RIC8B: variants seen among roughly 807,000 people sequenced by gnomAD.
The protein encoded by RIC8B is RIC8 guanine nucleotide exchange factor B.
RIC8B carries 16 observed loss-of-function variants against 57.5 expected under a neutral mutation model. That is an observed-to-expected ratio of 0.28 (90% CI 0.19 to 0.42). RIC8B has a LOEUF of 0.42. Ranked by LOEUF, RIC8B falls within the 10% of genes least tolerant of loss-of-function variation. The pLI is 1.00. For synonymous variants in RIC8B, 216 were observed against 250.8 expected, an observed-to-expected ratio of 0.86 and a Z score of 1.31; for missense variants, 481 against 677.0, an observed-to-expected ratio of 0.71 and a Z score of 3.21.
At chr12:106,813,406 G>A (rs1818882003) in intron 2 of RIC8B, among the ~76,000 whole-genome samples, 1 of 151,956 alleles carries the variant, frequency 6.6e-6, no homozygotes, top group East Asian at 1.9e-4. Flanking sequence ...TAGCCAGGAT[G>A]GTCTTGATCT....
chr12:106,778,127 A>C (rs1265881224), intron 1 of RIC8B, among the ~76,000 whole-genome samples: 1 of 152,214 alleles, frequency 6.6e-6, no homozygotes, highest in Non-Finnish European at 1.5e-5. Flanking sequence ...TGAACAAAAA[A>C]ATTAAACGTG....
intron 8 of RIC8B, among the ~76,000 whole-genome samples, chr12:106,862,017 G>T (rs1949963692): frequency 6.6e-6 from 1 of 152,042 alleles, no homozygotes; most frequent in African/African-American, 2.4e-5. Context: ...TAGGAAAATA[G>T]AATTATGTTA....
intron 4 of RIC8B, among the ~76,000 whole-genome samples, chr12:106,840,440 G>C (rs1347864697): frequency 6.6e-6 from 1 of 152,162 alleles, no homozygotes; most frequent in African/African-American, 2.4e-5. Flanking sequence ...ACCCCCTGGA[G>C]TAGGAATGCA....
chr12:106,818,290 T>C (rs1474662502), intron 3 of RIC8B, among the ~76,000 whole-genome samples: 4 of 151,440 alleles, frequency 2.6e-5, no homozygotes, highest in Non-Finnish European at 4.4e-5. Context: ...CCTCAGCCTC[T>C]GGAGTAGCTG....
chr12:106,858,578 C>A (rs905452660), intron 7 of RIC8B, among the ~76,000 whole-genome samples: 1 of 152,104 alleles, frequency 6.6e-6, no homozygotes, highest in African/African-American at 2.4e-5. Context: ...CAAGAGAGAG[C>A]ATATCAGACT....
At chr12:106,854,827 A>G (rs1031684775) in intron 7 of RIC8B, among the ~76,000 whole-genome samples, 8 of 152,110 alleles carry the variant, frequency 5.3e-5, no homozygotes, top group African/African-American at 1.9e-4. Context: ...AAAGGACAAA[A>G]TTTTATGGAA....
chr12:106,813,919 A>G (rs1164076347), intron 2 of RIC8B, among the ~76,000 whole-genome samples: 1 of 152,130 alleles, frequency 6.6e-6, no homozygotes, highest in African/African-American at 2.4e-5. Flanking sequence ...AAATTTGACA[A>G]TGGTATAAAA....
At chr12:106,815,478 T>C (rs1053895574) in intron 3 of RIC8B, among the ~76,000 whole-genome samples, 174 bp downstream of exon 3, 1 of 152,254 alleles carries the variant, frequency 6.6e-6, no homozygotes, top group Non-Finnish European at 1.5e-5. Context: ...TCTTATTCTT[T>C]CCATTTGTGT....
chr12:106,830,422 C>A (rs2046304893), intron 4 of RIC8B, among the ~76,000 whole-genome samples: 1 of 152,162 alleles, frequency 6.6e-6, no homozygotes, highest in African/African-American at 2.4e-5. Context: ...TCTCTGTTCT[C>A]CATGACTCGC....
intron 9 of RIC8B, among the ~76,000 whole-genome samples, chr12:106,875,707 AATTTAT>A (rs1234838552): frequency 3.3e-5 from 5 of 152,090 alleles, no homozygotes; most frequent in Admixed American, 6.6e-5. Context: ...TATGTTTTAA[AATTTAT>A]ATTTATATAA....
intron 9 of RIC8B, among the ~76,000 whole-genome samples, chr12:106,875,079 T>G (rs1950602149): frequency 6.6e-6 from 1 of 152,164 alleles, no homozygotes; most frequent in South Asian, 2.1e-4. Context: ...AAGTACACTC[T>G]GTCAGTTCCA....
At chr12:106,806,774 C>T (rs532301480) in intron 2 of RIC8B, among the ~76,000 whole-genome samples, 7 of 152,066 alleles carry the variant, frequency 4.6e-5, no homozygotes, top group South Asian at 2.1e-4. Flanking sequence ...AGATTGCACG[C>T]GCCAAGATCA....
At chr12:106,799,171 C>T (rs2044617642) in intron 2 of RIC8B, among the ~76,000 whole-genome samples, 1 of 152,178 alleles carries the variant, frequency 6.6e-6, no homozygotes, top group South Asian at 2.1e-4. Flanking sequence ...ATCACTACTT[C>T]CCTTTCTCAA....
chr12:106,849,876 A>G (rs1566133210), intron 6 of RIC8B, among the ~76,000 whole-genome samples: 2 of 152,220 alleles, frequency 1.3e-5, no homozygotes, highest in Admixed American at 6.5e-5. Context: ...GTAAAATCCT[A>G]TAATTTCTGT....
At chr12:106,810,844 G>A (rs1038149083) in intron 2 of RIC8B, among the ~76,000 whole-genome samples, 2 of 152,190 alleles carry the variant, frequency 1.3e-5, no homozygotes, top group Admixed American at 6.5e-5. Flanking sequence ...TCACTTGCCA[G>A]GCACTGCCCT....
chr12:106,792,212 A>T (rs978574984), intron 2 of RIC8B, among the ~76,000 whole-genome samples: 1 of 152,218 alleles, frequency 6.6e-6, no homozygotes, highest in African/African-American at 2.4e-5. Context: ...GGGTTGTATC[A>T]TAGGGCAGGA....
At chr12:106,784,966 T>C (rs2043938920) in intron 2 of RIC8B, among the ~76,000 whole-genome samples, 1 of 152,244 alleles carries the variant, frequency 6.6e-6, no homozygotes, top group South Asian at 2.1e-4. Flanking sequence ...GTTTCCTGAC[T>C]GTTCTTTCAT....
intron 2 of RIC8B, among the ~76,000 whole-genome samples, chr12:106,802,534 A>T (rs989200922): frequency 4.3e-4 from 44 of 102,160 alleles, no homozygotes; most frequent in African/African-American, 1.6e-3. Context: ...CAATATGAGA[A>T]TTTTTTTTTT....
chr12:106,779,210 G>T (rs1190427953), intron 1 of RIC8B, among the ~76,000 whole-genome samples: 1 of 151,580 alleles, frequency 6.6e-6, no homozygotes, highest in African/African-American at 2.4e-5. Context: ...ACTGAGCCTG[G>T]CTGGGCATAT....
Sources: gnomAD v4.1 joint callset for allele counts (sites outside exome capture counted in the v4.1 genomes callset) on GRCh38, gnomAD v4.1.1 for gene constraint, MANE v1.5 for transcripts, NCBI Gene and HGNC (gene_info 2026-07-23, HGNC 2026-07-21) for gene names.